Variants in PACRG observed in about 807,000 individuals in gnomAD.
PACRG encodes parkin coregulated gene protein.
A neutral mutation model predicts 29.7 loss-of-function variants in PACRG; 29 were observed. The observed-to-expected ratio is 0.98, with a 90% CI of 0.73 to 1.33. The LOEUF is 1.33. Ranked by LOEUF, PACRG falls within the 40% of genes most tolerant of loss-of-function variation. The pLI is 0.00. For synonymous variants in PACRG, 116 were observed against 118.7 expected (o/e 0.98, Z 0.15); for missense variants, 279 against 316.2 (o/e 0.88, Z 0.89).
Position 163,178,240 on chromosome 6 carries a change from C to A in PACRG, c.613+88832C>A, listed in dbSNP as rs563141337. ...CATTCCCACCTTGTTGCCTCATGAG[C>A]ACGCCCCATGCAATTCTGGGCACCA... is the stretch of plus-strand genomic sequence containing the variant. On this transcript the variant is annotated intron_variant, in intron 4 of 4. Coordinates refer to ENST00000366888, the MANE Select transcript of PACRG (RefSeq NM_001080379.2). Among the ~76,000 whole-genome samples, 7 of 152,282 alleles carry A rather than the reference C, an allele frequency of 4.6e-5. No homozygotes were observed. In the South Asian group the frequency reaches 1.5e-3, roughly 32 times the overall value.
intron 4 of PACRG, among the ~76,000 whole-genome samples, chr6:163,145,823 G>A (rs1425331348): frequency 6.6e-6 from 1 of 152,206 alleles, no homozygotes; most frequent in East Asian, 1.9e-4. Context: ...GCCCTGGCCT[G>A]GCTTTGGGTG....
intron 2 of PACRG, among the ~76,000 whole-genome samples, chr6:162,936,984 A>G (rs1403950997): frequency 6.6e-6 from 1 of 152,186 alleles, no homozygotes; most frequent in Non-Finnish European, 1.5e-5. Flanking sequence ...GAAAAAGGAT[A>G]CTTTTCTCAT....
chr6:163,169,768 T>C (rs887375166), intron 4 of PACRG, among the ~76,000 whole-genome samples: 14 of 152,090 alleles, frequency 9.2e-5, no homozygotes, highest in African/African-American at 3.4e-4. Flanking sequence ...CCATACAGAC[T>C]TGGGGAGCGC....
intron 2 of PACRG, among the ~76,000 whole-genome samples, chr6:162,822,499 A>G (rs575854560): frequency 1.4e-3 from 219 of 152,266 alleles, no homozygotes; most frequent in African/African-American, 5.1e-3. Context: ...TTTAAAGCCA[A>G]CCTCTGCCCC....
chr6:163,236,642 A>G (rs757011954), intron 4 of PACRG, among the ~76,000 whole-genome samples: 3 of 152,218 alleles, frequency 2.0e-5, no homozygotes, highest in Non-Finnish European at 2.9e-5. Context: ...ATGGGACTGA[A>G]AAGATGGCAA....
intron 4 of PACRG, among the ~76,000 whole-genome samples, chr6:163,307,350 C>T (rs1479055335): frequency 6.6e-6 from 1 of 152,182 alleles, no homozygotes; most frequent in South Asian, 2.1e-4. Context: ...AGCTGGGAAT[C>T]GAGTGCTTAC....
intron 1 of PACRG, among the ~76,000 whole-genome samples, chr6:162,802,147 T>G: frequency 6.6e-6 from 1 of 152,166 alleles, no homozygotes; most frequent in East Asian, 1.9e-4. Flanking sequence ...TTGTGGGTGG[T>G]ATTTTTATCT....
intron 4 of PACRG, among the ~76,000 whole-genome samples, chr6:163,303,520 C>T (rs1314174346): frequency 6.6e-6 from 1 of 152,106 alleles, no homozygotes; most frequent in South Asian, 2.1e-4. Flanking sequence ...ACAATTATTT[C>T]CAGTAGGTTT....
At chr6:162,730,507 G>A (rs1281793204) in intron 1 of PACRG, among the ~76,000 whole-genome samples, 1 of 152,046 alleles carries the variant, frequency 6.6e-6, no homozygotes, top group African/African-American at 2.4e-5. Flanking sequence ...TATATCATAA[G>A]GAGTTATACA....
At chr6:162,918,731 T>G (rs1336065724) in intron 2 of PACRG, among the ~76,000 whole-genome samples, 1 of 152,186 alleles carries the variant, frequency 6.6e-6, no homozygotes, top group African/African-American at 2.4e-5. Flanking sequence ...TTCAGTTGAT[T>G]AATTTGGAAA....
At chr6:162,898,154 G>T (rs1294458601) in intron 2 of PACRG, among the ~76,000 whole-genome samples, 1 of 152,212 alleles carries the variant, frequency 6.6e-6, no homozygotes, top group South Asian at 2.1e-4. Context: ...ACAGGATAGG[G>T]CCTGTCTGTT....
chr6:162,875,191 ACACATCCACG>A (rs1467133118), intron 2 of PACRG, among the ~76,000 whole-genome samples: 1 of 151,828 alleles, frequency 6.6e-6, no homozygotes, highest in African/African-American at 2.4e-5. Context: ...ACATTCACAC[ACACATCCACG>A]CACATTCACA....
At chr6:162,893,450 T>G (rs775562503) in intron 2 of PACRG, among the ~76,000 whole-genome samples, 1 of 152,128 alleles carries the variant, frequency 6.6e-6, no homozygotes, top group Non-Finnish European at 1.5e-5. Flanking sequence ...GGAGGCTACA[T>G]TGTAGTGATT....
intron 2 of PACRG, chr6:163,042,866 T>C (rs1808879035): frequency 1.3e-5 from 2 of 151,892 alleles, no homozygotes; most frequent in African/African-American, 4.8e-5. Flanking sequence ...CATCCTGTTA[T>C]TTAATCAGCT....
intron 2 of PACRG, among the ~76,000 whole-genome samples, chr6:162,981,465 C>T (rs980874989): frequency 2.6e-5 from 4 of 151,664 alleles, no homozygotes; most frequent in African/African-American, 9.7e-5. Context: ...AGTCAGGTAA[C>T]GTGATGCCTC....
intron 4 of PACRG, chr6:163,101,451 T>C (rs2128314006): frequency 1.1e-6 from 1 of 925,014 alleles, no homozygotes; most frequent in Admixed American, 6.2e-5. Flanking sequence ...ATAAATATGA[T>C]AAACAATCAC....
intron 4 of PACRG, among the ~76,000 whole-genome samples, chr6:163,146,803 A>G (rs139469432): frequency 6.5e-4 from 99 of 152,332 alleles, no homozygotes; most frequent in Middle Eastern, 3.4e-3. Context: ...GATAAACTTG[A>G]ATTTTTCTCA....
chr6:162,761,476 T>C (rs1175786647), intron 1 of PACRG, among the ~76,000 whole-genome samples: 1 of 152,244 alleles, frequency 6.6e-6, no homozygotes, highest in Non-Finnish European at 1.5e-5. Flanking sequence ...TGGTTTTGCA[T>C]GTCTCAGTCT....
At chr6:162,829,330 A>G (rs561439564) in intron 2 of PACRG, among the ~76,000 whole-genome samples, 1 of 152,374 alleles carries the variant, frequency 6.6e-6, no homozygotes, top group South Asian at 2.1e-4. Flanking sequence ...ATACAAATAT[A>G]TAAAAGTTTC....
Sources: allele counts gnomAD v4.1 joint callset (sites outside exome capture counted in the v4.1 genomes callset), GRCh38; gene constraint gnomAD v4.1.1; transcripts MANE v1.5; gene names NCBI Gene and HGNC (gene_info 2026-07-23, HGNC 2026-07-21).